Variants in PIK3CB observed in about 807,000 individuals in gnomAD.
The protein encoded by PIK3CB is phosphatidylinositol-4,5-bisphosphate 3-kinase catalytic subunit beta, also known as phosphatidylinositol 4,5-bisphosphate 3-kinase catalytic subunit beta isoform.
PIK3CB carries 39 observed loss-of-function variants against 136.8 expected under a neutral mutation model. The ratio of observed to expected loss-of-function variants is 0.29; its 90% CI spans 0.22 to 0.37. The LOEUF (loss-of-function observed/expected upper bound fraction) is 0.37. PIK3CB is among the 10% of genes least tolerant of loss of function. PIK3CB has a pLI of 1.00. For synonymous variants in PIK3CB, 428 were observed against 436.6 expected (o/e 0.98, Z 0.25); for missense variants, 868 against 1,275.4 (o/e 0.68, Z 4.87).
In PIK3CB at chr3:138,704,490, T is replaced by C. The variant is rs1338716528; in HGVS notation, c.1534A>G (p.Ile512Val). The change falls in exon 12 of 24, where the codon ATT (isoleucine) becomes GTT (valine). Residue 512 changes from isoleucine (I) to valine (V), a missense_variant. Transcript: ENST00000674063. ...PYYYPPFDKI[I>V]EKAAEIASSD... ...CTTGCAATCTCAGCTGCCTTTTCAA[T>C]AATCTGTTTAAAAAAATTAAAGAAA... 1.9e-6 allele frequency: 3 copies of C among 1,599,954 alleles called. No homozygotes were observed. The highest frequency in any genetic ancestry group is 2.6e-6 in the Non-Finnish European group (3 of 1,167,480).
chr3:138,684,051 C>A (rs1157303009), intron 17 of PIK3CB, among the ~76,000 whole-genome samples: 4 of 152,142 alleles, frequency 2.6e-5, no homozygotes, highest in Non-Finnish European at 5.9e-5. Context: ...TCTCTCGTTT[C>A]CTTTTATTTG....
At position 138,825,755 on chromosome 3, in the gene PIK3CB, T is replaced by C. The variant is rs368144469; in HGVS notation, c.-122+8940A>G. On this transcript the variant is annotated intron_variant, in intron 1 of 23. Transcript: ENST00000674063. The stretch of plus-strand genomic sequence containing the variant: ...CCTATAGGCCAAGTGGAGACTGGTG[T>C]TCTCAAACCCGGAATGGTGGTCACC... 4.1e-6 allele frequency: 3 copies of C among 724,358 alleles called. No homozygotes were observed. The South Asian group carries it at 4.9e-5, about 12-fold the overall frequency. The allele number at this position is 724,358 out of a possible 1,614,324, so 44.9% of individuals were successfully genotyped here.
intron 23 of PIK3CB, 24 bp downstream of exon 23, chr3:138,656,118 A>G: frequency 1.2e-6 from 2 of 1,613,098 alleles, no homozygotes; most frequent in Non-Finnish European, 1.7e-6. Flanking sequence ...AAAGTCCAAG[A>G]GAGAAGGAAA....
intron 20 of PIK3CB, 96 bp downstream of exon 20, chr3:138,664,940 T>G: frequency 1.4e-6 from 1 of 719,450 alleles, no homozygotes; most frequent in Non-Finnish European, 2.2e-6. Flanking sequence ...AAAACACTAA[T>G]ATTTCCTCTA....
intron 14 of PIK3CB, among the ~76,000 whole-genome samples, chr3:138,693,406 AT>A (rs937495673): frequency 3.4e-5 from 5 of 146,630 alleles, no homozygotes; most frequent in South Asian, 2.2e-4. Context: ...AATTATTATT[AT>A]TTTTTTTTGG....
intron 16 of PIK3CB, among the ~76,000 whole-genome samples, chr3:138,688,326 CCT>C (rs2043936710): frequency 6.6e-6 from 1 of 151,782 alleles, no homozygotes; most frequent in Non-Finnish European, 1.5e-5. Flanking sequence ...ACAGTGAAAC[CCT>C]GTCTCTACTA....
chr3:138,786,346 T>C (rs543726927), intron 2 of PIK3CB, among the ~76,000 whole-genome samples: 2 of 152,116 alleles, frequency 1.3e-5, no homozygotes, highest in Admixed American at 6.5e-5. Context: ...TTGAAAATAA[T>C]GTGATTTTCT....
Position 138,653,387 on chromosome 3 carries a change from G to A in PIK3CB, c.*2002C>T, listed in dbSNP as rs987913185. 2 of 174,938 alleles carry A rather than the reference G, an allele frequency of 1.1e-5. No homozygotes were observed. Among genetic ancestry groups the A allele is most frequent in the Middle Eastern group, 2.1e-3 (1 of 470 alleles). 10.8% of individuals were successfully genotyped at this position (174,938 alleles called of 1,614,324 possible). ...AAAGAAAACAGGAAAGATACAATTT[G>A]GTGCCCATATGGGAAAAACAGTTGA... On this transcript the variant is annotated 3_prime_UTR_variant, in exon 24 of 24. Transcript: ENST00000674063.
chr3:138,713,290 G>C (rs1475772454), intron 9 of PIK3CB, among the ~76,000 whole-genome samples: 1 of 151,302 alleles, frequency 6.6e-6, no homozygotes, highest in African/African-American at 2.4e-5. Flanking sequence ...TGGGATTACA[G>C]GCGTGGGCCA....
intron 2 of PIK3CB, among the ~76,000 whole-genome samples, chr3:138,765,591 C>T (rs946402239): frequency 6.6e-6 from 1 of 151,428 alleles, no homozygotes; most frequent in African/African-American, 2.4e-5. Flanking sequence ...GCCTATAATC[C>T]CAGCACTTTG....
intron 1 of PIK3CB, among the ~76,000 whole-genome samples, chr3:138,828,414 T>C (rs921158187): frequency 6.6e-6 from 1 of 151,914 alleles, no homozygotes; most frequent in Non-Finnish European, 1.5e-5. Context: ...CTCGATCTCC[T>C]GACCTTGTGA....
chr3:138,654,503 T>A lies in PIK3CB; in HGVS notation c.*886A>T, dbSNP rs533686108. 1 of 228,584 alleles carries A rather than the reference T, an allele frequency of 4.4e-6. No individual in the cohort carries two copies. Among genetic ancestry groups the A allele is most frequent in the South Asian group, 1.8e-4 (1 of 5,498 alleles). The allele number at this position is 228,584 out of a possible 1,614,324, so 14.2% of individuals were successfully genotyped here. A position where few individuals can be genotyped will look rare whatever the true frequency, so the allele number is the denominator to read the frequency against. The stretch of plus-strand genomic sequence containing the variant: ...AATAGGTTTCTTTTCATTTGCTTGC[T>A]TTCTTGGATACATTTGCTCAAGTAT... On this transcript the variant is annotated 3_prime_UTR_variant, in exon 24 of 24. Transcript: ENST00000674063.
At position 138,772,560 on chromosome 3, in the gene PIK3CB, C is replaced by G. The variant is rs571727000; in HGVS notation, c.-16-13201G>C. Among the ~76,000 whole-genome samples the G allele has an allele frequency of 2.8e-3, 423 of 151,130 alleles. 2 individuals are homozygous for G. The highest frequency in any genetic ancestry group is 9.9e-3 in the African/African-American group (406 of 41,198). ...GCAGCCTTGACCTCCCAGGCTCCAG[C>G]AATTCTCCCACCTCAGCCTCCTGAG... On this transcript the variant is annotated intron_variant, in intron 2 of 23. Coordinates refer to ENST00000674063, the MANE Select transcript of PIK3CB (RefSeq NM_006219.3).
rs971787992 is a variant in PIK3CB, at chr3:138,747,511, TAC to T, written c.398-4732_398-4731del. Among the ~76,000 whole-genome samples the T allele has an allele frequency of 5.3e-5, 8 of 152,304 alleles. 1 individual carries two copies. Among genetic ancestry groups the T allele is most frequent in the Admixed American group, 2.0e-4 (3 of 15,296 alleles). On this transcript the variant is annotated intron_variant, in intron 4 of 23. Coordinates refer to ENST00000674063, the MANE Select transcript of PIK3CB (RefSeq NM_006219.3). ...CTGCAAAATTATTACAGTAGTATAA[TAC>T]AGTTAATTTTATGCAGTTATGATTT...
chr3:138,830,671 G>A (rs1434996582), intron 1 of PIK3CB, among the ~76,000 whole-genome samples: 2 of 151,904 alleles, frequency 1.3e-5, no homozygotes, highest in African/African-American at 4.8e-5. Flanking sequence ...AGGCCGAGAT[G>A]GGCGGATCAC....
At chr3:138,664,359 C>A (rs361088) in intron 20 of PIK3CB, among the ~76,000 whole-genome samples, 90,485 of 151,962 alleles carry the variant, frequency 0.6, 27,742 homozygotes, top group East Asian at 0.97. Context: ...AGGGGTTGGG[C>A]ACATTTTAGT....
intron 11 of PIK3CB, 79 bp downstream of exon 11, chr3:138,707,080 G>T (rs2044393610): frequency 3.3e-6 from 3 of 911,652 alleles, no homozygotes; most frequent in Admixed American, 1.9e-5. Context: ...GAAAGAGACA[G>T]ATAGAGCTTA....
chr3:138,725,381 T>C (rs1299460935), intron 8 of PIK3CB, among the ~76,000 whole-genome samples: 2 of 152,192 alleles, frequency 1.3e-5, no homozygotes, highest in Non-Finnish European at 2.9e-5. Flanking sequence ...TTGCTGACTT[T>C]GCCGATAATC....
intron 3 of PIK3CB, among the ~76,000 whole-genome samples, chr3:138,758,220 G>A (rs2045607530): frequency 6.6e-6 from 1 of 152,200 alleles, no homozygotes; most frequent in Non-Finnish European, 1.5e-5. Context: ...AACTGGTAGA[G>A]ATGGAAAACA....
Sources: gnomAD v4.1 joint callset for allele counts (sites outside exome capture counted in the v4.1 genomes callset) on GRCh38, gnomAD v4.1.1 for gene constraint, MANE v1.5 for transcripts, NCBI Gene and HGNC (gene_info 2026-07-23, HGNC 2026-07-21) for gene names.